Variants in DNAAF11 observed in about 807,000 individuals in gnomAD.
The protein encoded by DNAAF11 is leucine rich repeat containing 6.
A neutral mutation model predicts 60.8 loss-of-function variants in DNAAF11; 45 were observed. The observed-to-expected ratio is 0.74, with a 90% CI of 0.58 to 0.95. The LOEUF (loss-of-function observed/expected upper bound fraction) is 0.95. Ranked by LOEUF, DNAAF11 falls within the 40% of genes least tolerant of loss-of-function variation. The pLI, the probability that DNAAF11 is intolerant of heterozygous loss-of-function variation, is 0.00. For synonymous variants in DNAAF11, 191 were observed against 183.5 expected (o/e 1.04, Z -0.33); for missense variants, 546 against 546.2 (o/e 1.00, Z 0.00).
chr8:132,698,382 C>G, the DNAAF11 span, among the ~76,000 whole-genome samples: 3 of 152,148 alleles, frequency 2.0e-5, no homozygotes, highest in African/African-American at 7.2e-5. Context: ...CAGCTGCCAC[C>G]CCTTGCAAAG....
intron 1 of DNAAF11, among the ~76,000 whole-genome samples, chr8:132,667,871 G>A (rs143503998): frequency 6.6e-6 from 1 of 152,176 alleles, no homozygotes; most frequent in African/African-American, 2.4e-5. Context: ...TGGGATACTG[G>A]AGGCTGTCCT....
chr8:132,628,920 G>C (rs1820536837), intron 5 of DNAAF11, among the ~76,000 whole-genome samples: 1 of 152,136 alleles, frequency 6.6e-6, no homozygotes, highest in Admixed American at 6.5e-5. Context: ...ACATAACTTT[G>C]ATGCAAAACA....
intron 3 of DNAAF11, among the ~76,000 whole-genome samples, chr8:132,649,685 A>T (rs1190270403): frequency 6.6e-6 from 1 of 152,110 alleles, no homozygotes; most frequent in Non-Finnish European, 1.5e-5. Context: ...AAATCAAATA[A>T]CCCCATCAAC....
At chr8:132,587,208 T>G (rs1360265601) in intron 10 of DNAAF11, among the ~76,000 whole-genome samples, 3 of 152,174 alleles carry the variant, frequency 2.0e-5, no homozygotes, top group Non-Finnish European at 4.4e-5. Flanking sequence ...TTTGGAACTT[T>G]TATTCACAGG....
chr8:132,659,409 G>A (rs1291748558), intron 2 of DNAAF11, among the ~76,000 whole-genome samples: 2 of 152,132 alleles, frequency 1.3e-5, no homozygotes, highest in Non-Finnish European at 2.9e-5. Context: ...AGAGTACTTT[G>A]GAAGCAAAAA....
chr8:132,585,177 G>A lies in DNAAF11; in HGVS notation c.1141-1398C>T, dbSNP rs4380913. ...TCCCCATCTGAGACCCCAGCATCAA[G>A]CTCGGGGAGGTTTGGGCTCTGATGG... On this transcript the variant is annotated intron_variant, in intron 10 of 11. Transcript: ENST00000620350. Among the ~76,000 whole-genome samples the A allele has an allele frequency of 6.5e-3, 985 of 152,322 alleles. 10 individuals carry two copies. Among genetic ancestry groups the A allele is most frequent in the African/African-American group, 0.023 (936 of 41,568 alleles).
chr8:132,611,261 T>A, intron 9 of DNAAF11, 33 bp downstream of exon 9: 2 of 1,501,458 alleles, frequency 1.3e-6, no homozygotes, highest in East Asian at 4.5e-5. Context: ...GCTTAGCTTT[T>A]GAAATTGTAA....
At chr8:132,663,490 AG>A (rs2130829811) in intron 1 of DNAAF11, among the ~76,000 whole-genome samples, 1 of 152,362 alleles carries the variant, frequency 6.6e-6, no homozygotes, top group East Asian at 1.9e-4. Flanking sequence ...ACATGGGTCA[AG>A]GGGTTGAGAT....
intron 7 of DNAAF11, 102 bp from the exon 8 acceptor site, chr8:132,615,199 T>C (rs1819025983): frequency 5.0e-6 from 3 of 603,882 alleles, no homozygotes; most frequent in Non-Finnish European, 8.6e-6. Flanking sequence ...AATTCTATAA[T>C]AATATCCAAA....
intron 3 of DNAAF11, among the ~76,000 whole-genome samples, chr8:132,640,228 T>C (rs1195314068): frequency 6.6e-6 from 1 of 152,212 alleles, no homozygotes; most frequent in East Asian, 1.9e-4. Context: ...CTCCTTATAC[T>C]GTAGTCTGTT....
chr8:132,572,321 C>T lies in DNAAF11; in HGVS notation c.1386G>A (p.Val462=). ...EDPTFEDNPE[V]PPLI is the part of the protein sequence containing the mutation. The stretch of plus-strand genomic sequence containing the variant: ...GCCAGATGTTTCAAATCAGCGGAGG[C>T]ACTTCAGGGTTGTCTTCAAAGGTTG... Residue 462 remains valine (V), a synonymous_variant, in exon 12 of 12, where the codon GTG becomes GTA. Coordinates refer to ENST00000620350, the MANE Select transcript of DNAAF11 (RefSeq NM_012472.6). 6.2e-7 allele frequency: 1 copy of T among 1,611,880 alleles called. No individual in the cohort carries two copies.
intron 10 of DNAAF11, among the ~76,000 whole-genome samples, chr8:132,606,716 T>C (rs1818174176): frequency 6.6e-6 from 1 of 152,142 alleles, no homozygotes; most frequent in Non-Finnish European, 1.5e-5. Flanking sequence ...GGCTTCACTA[T>C]GTTGCCCAGG....
chr8:132,680,690 T>A, the DNAAF11 span, among the ~76,000 whole-genome samples: 1 of 151,974 alleles, frequency 6.6e-6, no homozygotes, highest in Non-Finnish European at 1.5e-5. Context: ...TTATCCCTTT[T>A]TCCTTACCCC....
At chr8:132,606,451 T>G (rs560412766) in intron 10 of DNAAF11, among the ~76,000 whole-genome samples, 1 of 152,332 alleles carries the variant, frequency 6.6e-6, no homozygotes, top group African/African-American at 2.4e-5. Context: ...CAAAAAATTT[T>G]AAAAAGTAAA....
At chr8:132,610,043 G>A (rs1384054992) in intron 10 of DNAAF11, 123 bp downstream of exon 10, 1 of 635,632 alleles carries the variant, frequency 1.6e-6, no homozygotes, top group African/African-American at 1.8e-5. Context: ...GCTGCTGTGA[G>A]ATTTCCTGGT....
chr8:132,640,637 T>A (rs753101744), intron 3 of DNAAF11, among the ~76,000 whole-genome samples: 20 of 152,168 alleles, frequency 1.3e-4, no homozygotes, highest in Non-Finnish European at 2.6e-4. Flanking sequence ...AACTTCTTCA[T>A]GTCATTAACC....
chr8:132,590,978 T>C (rs1816400919), intron 10 of DNAAF11, among the ~76,000 whole-genome samples: 1 of 152,226 alleles, frequency 6.6e-6, no homozygotes, highest in Non-Finnish European at 1.5e-5. Flanking sequence ...GTGTGCACTA[T>C]CATTTAATGG....
At chr8:132,584,804 C>CT (rs1815716772) in intron 10 of DNAAF11, among the ~76,000 whole-genome samples, 1 of 152,112 alleles carries the variant, frequency 6.6e-6, no homozygotes, top group Admixed American at 6.5e-5. Context: ...CAGCTGTGAT[C>CT]CAGGTTCATG....
At position 132,583,742 on chromosome 8, in the gene DNAAF11, T is replaced by G. The variant is rs776429452; in HGVS notation, c.1178A>C (p.Lys393Thr). 2 of 1,613,944 alleles carry G rather than the reference T, an allele frequency of 1.2e-6. No individual in the cohort carries two copies. The highest frequency in any genetic ancestry group is 1.7e-6 in the Non-Finnish European group (2 of 1,179,890). ...CCTGTCCGAGGTAGTTTTCATAGAT[T>G]TGAATGCTCGCTGACCACCTGTGAT... ...EVITGGQRAF[K>T]SMKTTSDRSR... The change falls in exon 11 of 12, where the codon AAA becomes ACA. Residue 393 changes from lysine to threonine, a missense_variant. Physicochemically the swap from Lys to Thr is moderately conservative, Grantham distance 78 (BLOSUM62 -1). Coordinates refer to ENST00000620350, the MANE Select transcript of DNAAF11 (RefSeq NM_012472.6).
Sources: gnomAD v4.1 joint callset for allele counts (sites outside exome capture counted in the v4.1 genomes callset) on GRCh38, gnomAD v4.1.1 for gene constraint, MANE v1.5 for transcripts, NCBI Gene and HGNC (gene_info 2026-07-23, HGNC 2026-07-21) for gene names.